Variants in PCF11 observed in about 807,000 individuals in gnomAD.
PCF11 encodes PCF11 cleavage and polyadenylation factor subunit.
PCF11 carries 19 observed loss-of-function variants against 166.1 expected under a neutral mutation model. The observed-to-expected ratio is 0.11, with a 90% CI of 0.08 to 0.17. The LOEUF (loss-of-function observed/expected upper bound fraction) is 0.17, where lower values mean the gene tolerates loss of function less well. PCF11 is among the 10% of genes least tolerant of loss of function. The pLI, the probability that PCF11 is intolerant of heterozygous loss-of-function variation, is 1.00. For synonymous variants in PCF11, 663 were observed against 644.1 expected (o/e 1.03, Z -0.44); for missense variants, 1,565 against 1,855.5 (o/e 0.84, Z 2.88).
chr11:83,173,154 TC>T (rs368585743), intron 9 of PCF11, among the ~76,000 whole-genome samples: 9 of 152,288 alleles, frequency 5.9e-5, no homozygotes, highest in Admixed American at 2.0e-4. Context: ...TTCAGTTTTT[TC>T]CCTCTGTAAA....
At chr11:83,180,836 G>C in intron 11 of PCF11, 172 bp from the exon 12 acceptor site, 1 of 412,946 alleles carries the variant, frequency 2.4e-6, no homozygotes, top group Non-Finnish European at 4.4e-6. Flanking sequence ...TTAAGGTAAA[G>C]AGGGTCAATC....
At chr11:83,164,896 A>T (rs1366935739) in intron 4 of PCF11, among the ~76,000 whole-genome samples, 2 of 152,092 alleles carry the variant, frequency 1.3e-5, no homozygotes, top group African/African-American at 2.4e-5. Flanking sequence ...AAACTACACT[A>T]TTTCCTCCAA....
exon 16 of PCF11, chr11:83,186,925 A>G (rs1357166007): frequency 1.3e-5 from 2 of 152,376 alleles, no homozygotes; most frequent in East Asian, 1.9e-4. Flanking sequence ...TTCAAACCTA[A>G]AAGTGTATCA....
intron 9 of PCF11, among the ~76,000 whole-genome samples, chr11:83,174,515 G>T (rs140934690): frequency 1.6e-3 from 242 of 151,124 alleles, no homozygotes; most frequent in African/African-American, 5.6e-3. Context: ...CACCACACTC[G>T]GCCTCAAAGA....
At chr11:83,157,368 G>A in exon 1 of PCF11, 1 of 1,380,518 alleles carries the variant, frequency 7.2e-7, no homozygotes, top group Admixed American at 1.8e-5. Context: ...AAGAGGAGTC[G>A]GAAGGGAGGC....
intron 8 of PCF11, chr11:83,171,378 G>A (rs1234546613): frequency 4.7e-6 from 2 of 428,160 alleles, no homozygotes; most frequent in Non-Finnish European, 9.3e-6. Flanking sequence ...CCTCAGTTTT[G>A]CTCCTAACTA....
exon 1 of PCF11, chr11:83,157,145 T>G: frequency 1.8e-6 from 1 of 562,200 alleles, no homozygotes; most frequent in Non-Finnish European, 3.2e-6. Flanking sequence ...GACGCAGCGG[T>G]TGGGAACACA....
exon 16 of PCF11, chr11:83,186,082 T>G (rs1350444606): frequency 6.6e-6 from 1 of 152,240 alleles, no homozygotes; most frequent in Admixed American, 6.5e-5. Context: ...ATTAAGCCAC[T>G]CACTTTAAAA....
At chr11:83,181,925 TGAA>T in exon 13 of PCF11, 2 of 1,612,372 alleles carry the variant, frequency 1.2e-6, no homozygotes, top group Non-Finnish European at 1.7e-6. Context: ...AAAAGGTGCA[TGAA>T]GAAGTTGTGC....
At chr11:83,163,071 A>G (rs912954983) in intron 2 of PCF11, among the ~76,000 whole-genome samples, 1 of 152,168 alleles carries the variant, frequency 6.6e-6, no homozygotes, top group Admixed American at 6.5e-5. Context: ...GTGCCTGGCA[A>G]TGGCAAATTT....
At chr11:83,183,167 T>G (rs1268411362) in intron 15 of PCF11, 94 bp downstream of exon 15, 4 of 695,752 alleles carry the variant, frequency 5.7e-6, no homozygotes, top group Non-Finnish European at 9.5e-6. Flanking sequence ...ATTGTTATTT[T>G]AAACTTAATA....
Position 83,167,110 on chromosome 11 carries a change from C to T in PCF11, c.1818-15C>T, listed in dbSNP as rs777097973. ...AAAAACATTTCAATGTAACATACTG[C>T]TTTTATGGTTTCAGCTTACAACAGG... On this transcript the variant is annotated splice_polypyrimidine_tract_variant and intron_variant, in intron 5 of 15. Transcript: ENST00000298281. This position sits in a 1 kb window ranked among gnomAD's most constrained non-coding sequence, Gnocchi z 4.2. The T allele has an allele frequency of 6.3e-7, 1 of 1,591,556 alleles. No individual in the cohort carries two copies. Among genetic ancestry groups the T allele is most frequent in the Admixed American group, 1.7e-5 (1 of 57,756 alleles).
At chr11:83,168,671 G>C (rs749985391) in exon 8 of PCF11, 1 of 1,613,882 alleles carries the variant, frequency 6.2e-7, no homozygotes, top group Admixed American at 1.7e-5. Context: ...TTAAGCCCTC[G>C]AATTGATGGA....
exon 16 of PCF11, chr11:83,184,957 G>T: frequency 2.6e-6 from 3 of 1,163,846 alleles, no homozygotes; most frequent in Admixed American, 2.9e-5. Context: ...AGAAGGTGAA[G>T]AATTTTTTTA....
At chr11:83,157,215 G>C (rs1565147919) in exon 1 of PCF11, 1 of 585,592 alleles carries the variant, frequency 1.7e-6, no homozygotes, top group East Asian at 2.8e-5. Context: ...GGAGAAAGAA[G>C]CTTCTGTGGC....
intron 1 of PCF11, among the ~76,000 whole-genome samples, chr11:83,159,861 A>G (rs1158598756): frequency 6.6e-6 from 1 of 152,256 alleles, no homozygotes; most frequent in Non-Finnish European, 1.5e-5. Flanking sequence ...AGCGAAAAAT[A>G]ATACATAAAA....
At chr11:83,173,570 TTTGTAAC>T (rs1394933041) in intron 9 of PCF11, among the ~76,000 whole-genome samples, 10 of 151,312 alleles carry the variant, frequency 6.6e-5, no homozygotes, top group Admixed American at 1.3e-4. Flanking sequence ...GCAAAAGTAC[TTTGTAAC>T]TTGTAACTTG....
Position 83,182,066 on chromosome 11 carries a change from G to C in PCF11, c.4323+57G>C, listed in dbSNP as rs553335246. ...TGGGAGTGTCCCTCACTTCCTTTATGTAAATACTCATAAACACATCACTAT... is the reference window on the plus strand; with the variant it reads ...TGGGAGTGTCCCTCACTTCCTTTATCTAAATACTCATAAACACATCACTAT... On this transcript the variant is annotated intron_variant, in intron 13 of 15. Transcript: ENST00000298281. The C allele has an allele frequency of 2.2e-6, 3 of 1,392,950 alleles. No homozygotes were observed. The Admixed American group carries it at 7.0e-5, about 33-fold the overall frequency. 86.3% of individuals were successfully genotyped at this position (1,392,950 alleles called of 1,614,324 possible).
At chr11:83,180,386 A>AT (rs57035891) in intron 11 of PCF11, 199 of 138,676 alleles carry the variant, frequency 1.4e-3, no homozygotes, top group Admixed American at 1.6e-3. Flanking sequence ...GTGCCCGGCT[A>AT]TTTTTTTTTT....
Sources: gnomAD v4.1 joint callset for allele counts (sites outside exome capture counted in the v4.1 genomes callset) on GRCh38, gnomAD v4.1.1 for gene constraint, Gnocchi (gnomAD v3.1) non-coding constraint, MANE v1.5 for transcripts, NCBI Gene and HGNC (gene_info 2026-07-23, HGNC 2026-07-21) for gene names.